Variants in GFRA1 observed in about 807,000 individuals in gnomAD.
GFRA1 encodes GDNF family receptor alpha-1.
GFRA1 carries 16 observed loss-of-function variants against 51.6 expected under a neutral mutation model. The observed-to-expected ratio is 0.31, with a 90% CI of 0.21 to 0.47. The LOEUF (loss-of-function observed/expected upper bound fraction) is 0.47. Among genes scored for constraint, GFRA1 ranks in the 20% least tolerant of loss-of-function variants. The probability of loss-of-function intolerance (pLI) is 1.00; values close to 1 mark genes in which losing one functional copy is unlikely to be tolerated. For missense variants in GFRA1, 530 were observed against 594.3 expected, an observed-to-expected ratio of 0.89 and a Z score of 1.13; for synonymous variants, 270 against 241.3, an observed-to-expected ratio of 1.12 and a Z score of -1.10.
At chr10:116,251,399 C>G (rs185798704) in intron 4 of GFRA1, among the ~76,000 whole-genome samples, 1 of 152,218 alleles carries the variant, frequency 6.6e-6, no homozygotes, top group African/African-American at 2.4e-5. Context: ...GACAGCACAT[C>G]TGGCGTAAGA....
At position 116,078,803 on chromosome 10, in the gene GFRA1, G is replaced by A. The variant is rs571859242; in HGVS notation, c.1197+10938C>T. On this transcript the variant is annotated intron_variant, in intron 9 of 10. Coordinates refer to ENST00000355422, the MANE Select transcript of GFRA1 (RefSeq NM_005264.8). ...ATAAACCAAACACCACAAATAACACGCAGCCCCAAGACCATTCTCTTAGAT... is the reference window on the plus strand; with the variant it reads ...ATAAACCAAACACCACAAATAACACACAGCCCCAAGACCATTCTCTTAGAT... Among the ~76,000 whole-genome samples the A allele has an allele frequency of 4.6e-5, 7 of 152,094 alleles. No individual in the cohort carries two copies. In the East Asian group the frequency reaches 5.8e-4, roughly 13 times the overall value.
intron 5 of GFRA1, among the ~76,000 whole-genome samples, chr10:116,188,715 C>T (rs985062307): frequency 6.6e-6 from 1 of 151,848 alleles, no homozygotes; most frequent in African/African-American, 2.4e-5. Flanking sequence ...ACCAGCTTGG[C>T]CAACATGGTG....
chr10:116,213,639 T>C (rs986404394), intron 4 of GFRA1, among the ~76,000 whole-genome samples: 5 of 152,182 alleles, frequency 3.3e-5, no homozygotes, highest in African/African-American at 1.2e-4. Flanking sequence ...TTCTCTGTCA[T>C]CACCAGAAAC....
chr10:116,213,540 C>T (rs184393387), intron 4 of GFRA1, among the ~76,000 whole-genome samples: 92 of 152,272 alleles, frequency 6.0e-4, no homozygotes, highest in African/African-American at 2.0e-3. Context: ...GCAATGAACA[C>T]GCCTTACATT....
At position 116,255,595 on chromosome 10, in the gene GFRA1, G is replaced by T; in HGVS notation, c.418+13908C>A. 3 of 1,288,574 alleles carry T rather than the reference G, an allele frequency of 2.3e-6. No individual in the cohort carries two copies. The South Asian group carries it at 3.7e-5, about 16-fold the overall frequency. The allele number at this position is 1,288,574 out of a possible 1,614,324, so 79.8% of individuals were successfully genotyped here. On this transcript the variant is annotated intron_variant, in intron 4 of 10. Transcript: ENST00000355422. The stretch of plus-strand genomic sequence containing the variant: ...AGTATTAATTTTCTCTGCTGGCTGG[G>T]TACACGCCCTTTCCTTTTCCACTGA...
intron 4 of GFRA1, among the ~76,000 whole-genome samples, chr10:116,240,952 G>A (rs1325341237): frequency 2.6e-5 from 4 of 152,146 alleles, no homozygotes; most frequent in Non-Finnish European, 5.9e-5. Context: ...TGAGGCTTGC[G>A]AGGTTACCCA....
At chr10:116,185,123 A>G (rs1270363381) in intron 5 of GFRA1, among the ~76,000 whole-genome samples, 1 of 152,162 alleles carries the variant, frequency 6.6e-6, no homozygotes, top group East Asian at 1.9e-4. Flanking sequence ...AACATACAGC[A>G]TGGTGGTATG....
At chr10:116,244,994 T>C (rs1477433337) in intron 4 of GFRA1, among the ~76,000 whole-genome samples, 1 of 152,060 alleles carries the variant, frequency 6.6e-6, no homozygotes, top group Non-Finnish European at 1.5e-5. Context: ...AAAGAAACAA[T>C]AGTTAGACAT....
intron 5 of GFRA1, among the ~76,000 whole-genome samples, chr10:116,195,797 A>C (rs973026580): frequency 1.3e-5 from 2 of 152,184 alleles, no homozygotes; most frequent in Non-Finnish European, 2.9e-5. Flanking sequence ...CTCAGGCCCA[A>C]ACTTGCAAAC....
intron 5 of GFRA1, among the ~76,000 whole-genome samples, chr10:116,174,913 G>T (rs1359145839): frequency 2.0e-5 from 3 of 152,086 alleles, no homozygotes; most frequent in Non-Finnish European, 4.4e-5. Flanking sequence ...TTTTCCAAAA[G>T]ATTTGCACCA....
intron 6 of GFRA1, among the ~76,000 whole-genome samples, chr10:116,115,909 C>T (rs1410093455): frequency 6.6e-6 from 1 of 152,114 alleles, no homozygotes; most frequent in Non-Finnish European, 1.5e-5. Flanking sequence ...AGACAAGCTG[C>T]ACAGAGCAGT....
At position 116,125,339 on chromosome 10, in the gene GFRA1, C is replaced by G. The variant is rs1436313779; in HGVS notation, c.652G>C (p.Asp218His). The change falls in exon 6 of 11, where the codon GAC becomes CAC. Residue 218 changes from aspartate (D) to histidine (H), a missense_variant. Transcript: ENST00000355422. ...CGCCTCCGCTCTGTGCAGGCGATGT[C>G]CCGGCAGGAGCAGAAGAGCATTCCG... is the stretch of plus-strand genomic sequence containing the variant. The part of the protein sequence containing the change: ...SYGMLFCSCR[D>H]IACTERRRQT... The G allele has an allele frequency of 1.2e-6, 2 of 1,614,234 alleles. No individual in the cohort carries two copies. Among genetic ancestry groups the G allele is most frequent in the Non-Finnish European group, 1.7e-6 (2 of 1,180,042 alleles).
chr10:116,076,666 T>C (rs1038370636), intron 9 of GFRA1, among the ~76,000 whole-genome samples: 4 of 152,280 alleles, frequency 2.6e-5, no homozygotes, highest in South Asian at 2.1e-4. Flanking sequence ...GGGACTTCCT[T>C]TGACCTTTTC....
chr10:116,077,041 TGG>T (rs1955647016), intron 9 of GFRA1, among the ~76,000 whole-genome samples: 1 of 152,142 alleles, frequency 6.6e-6, no homozygotes, highest in Non-Finnish European at 1.5e-5. Flanking sequence ...ATGAGTTATT[TGG>T]AGGTATTCAT....
At chr10:116,085,363 C>T (rs372100375) in intron 9 of GFRA1, among the ~76,000 whole-genome samples, 8 of 152,118 alleles carry the variant, frequency 5.3e-5, no homozygotes, top group Admixed American at 2.0e-4. Context: ...TACAAGAGGG[C>T]GCTTCTCAAG....
chr10:116,087,156 A>G (rs1366042985), intron 9 of GFRA1, among the ~76,000 whole-genome samples: 1 of 152,226 alleles, frequency 6.6e-6, no homozygotes, highest in Non-Finnish European at 1.5e-5. Flanking sequence ...TTGCCGGGAC[A>G]ACCCTGAGGC....
rs764540498 is a variant in GFRA1 at position 116,271,126 on chromosome 10, G to C, written c.41-11C>G. ...CCGACAGGAGCAAGTCTGCGGGGCA[G>C]AGGGGAGGGAGCCTGAGTGCGGCGG... On this transcript the variant is annotated splice_polypyrimidine_tract_variant and intron_variant, in intron 2 of 10. Transcript: ENST00000355422. The C allele has an allele frequency of 6.3e-7, 1 of 1,595,022 alleles. No homozygotes were observed. Among genetic ancestry groups the C allele is most frequent in the Non-Finnish European group, 8.6e-7 (1 of 1,166,068 alleles).
At chr10:116,086,413 A>G (rs1031989285) in intron 9 of GFRA1, among the ~76,000 whole-genome samples, 9 of 151,966 alleles carry the variant, frequency 5.9e-5, no homozygotes, top group Non-Finnish European at 1.2e-4. Flanking sequence ...AATCCTCTCA[A>G]CTCCGGCAGC....
intron 4 of GFRA1, among the ~76,000 whole-genome samples, chr10:116,213,960 C>T (rs185548088): frequency 2.5e-4 from 38 of 152,302 alleles, no homozygotes; most frequent in African/African-American, 8.4e-4. Flanking sequence ...CTACAGGAAA[C>T]CTTGACTCTG....
Sources: gnomAD v4.1 joint callset for allele counts (sites outside exome capture counted in the v4.1 genomes callset) on GRCh38, gnomAD v4.1.1 for gene constraint, MANE v1.5 for transcripts, NCBI Gene and HGNC (gene_info 2026-07-23, HGNC 2026-07-21) for gene names.